Variants in MACROD2 observed in about 807,000 individuals in gnomAD.
The protein encoded by MACROD2 is ADP-ribose glycohydrolase MACROD2.
MACROD2 carries 36 observed loss-of-function variants against 70.4 expected under a neutral mutation model. The observed-to-expected ratio is 0.51, with a 90% CI of 0.39 to 0.68. The LOEUF is 0.68. MACROD2 is among the 30% of genes least tolerant of loss of function. The pLI is 0.00. For synonymous variants in MACROD2, 172 were observed against 178.8 expected, an observed-to-expected ratio of 0.96 and a Z score of 0.30; for missense variants, 496 against 538.4, an observed-to-expected ratio of 0.92 and a Z score of 0.78.
At chr20:14,089,221 A>G (rs1397284602) in intron 3 of MACROD2, among the ~76,000 whole-genome samples, 4 of 152,226 alleles carry the variant, frequency 2.6e-5, no homozygotes, top group Non-Finnish European at 5.9e-5. Flanking sequence ...TCCCAGGTAG[A>G]TAGAAAAGGG....
chr20:14,404,048 A>G (rs1345461198), intron 3 of MACROD2, among the ~76,000 whole-genome samples: 2 of 152,160 alleles, frequency 1.3e-5, no homozygotes, highest in African/African-American at 4.8e-5. Context: ...AATTGAAAGT[A>G]TAATAATTGA....
intron 15 of MACROD2, among the ~76,000 whole-genome samples, chr20:16,032,629 G>C (rs2067167014): frequency 6.7e-6 from 1 of 149,980 alleles, no homozygotes; most frequent in Non-Finnish European, 1.5e-5. Context: ...ACAAAAAGAA[G>C]GAAGAAAAGA....
intron 10 of MACROD2, among the ~76,000 whole-genome samples, chr20:15,887,047 T>A (rs2064831025): frequency 6.6e-6 from 1 of 152,076 alleles, no homozygotes; most frequent in African/African-American, 2.4e-5. Flanking sequence ...TTGTGTTGCT[T>A]CTCATTTGAT....
intron 4 of MACROD2, among the ~76,000 whole-genome samples, chr20:14,512,619 G>T (rs1487615730): frequency 6.6e-6 from 1 of 152,142 alleles, no homozygotes; most frequent in East Asian, 1.9e-4. Context: ...GGATAAAGCA[G>T]TGTGCAGATT....
At chr20:15,501,834 T>A (rs577325359) in intron 8 of MACROD2, among the ~76,000 whole-genome samples, 22 of 152,218 alleles carry the variant, frequency 1.4e-4, no homozygotes, top group Non-Finnish European at 2.2e-4. Context: ...TTAGCAGTAT[T>A]TTGATTTATT....
intron 4 of MACROD2, among the ~76,000 whole-genome samples, chr20:14,637,858 A>ACT (rs1984865992): frequency 6.6e-6 from 1 of 152,080 alleles, no homozygotes; most frequent in Non-Finnish European, 1.5e-5. Flanking sequence ...CCCTCTCAGT[A>ACT]TTCTCTGGCA....
intron 4 of MACROD2, among the ~76,000 whole-genome samples, chr20:14,571,766 A>G (rs1980209011): frequency 6.6e-6 from 1 of 152,110 alleles, no homozygotes; most frequent in African/African-American, 2.4e-5. Context: ...TTTAGCTTAC[A>G]ATATAGATCC....
intron 8 of MACROD2, among the ~76,000 whole-genome samples, chr20:15,759,212 G>A (rs2051398936): frequency 6.8e-6 from 1 of 147,218 alleles, no homozygotes; most frequent in South Asian, 2.2e-4. Context: ...AGACAAAGAT[G>A]TTCAAAGATG....
chr20:15,095,808 T>C (rs758429349), intron 5 of MACROD2, among the ~76,000 whole-genome samples: 6 of 152,056 alleles, frequency 3.9e-5, no homozygotes, highest in Non-Finnish European at 5.9e-5. Context: ...TGAGCCACCG[T>C]GCCCAGCCAG....
chr20:15,405,694 G>A (rs1240261698), intron 6 of MACROD2, among the ~76,000 whole-genome samples: 1 of 152,088 alleles, frequency 6.6e-6, no homozygotes, highest in Non-Finnish European at 1.5e-5. Context: ...GCAGATTTTA[G>A]CTCACGTGCC....
At chr20:14,820,716 C>CT in intron 5 of MACROD2, among the ~76,000 whole-genome samples, 1 of 152,004 alleles carries the variant, frequency 6.6e-6, no homozygotes, top group South Asian at 2.1e-4. Context: ...CCGTTACATT[C>CT]TTTTTTTCCC....
chr20:14,668,055 G>A (rs1387868376), intron 4 of MACROD2, among the ~76,000 whole-genome samples: 1 of 152,028 alleles, frequency 6.6e-6, no homozygotes, highest in Non-Finnish European at 1.5e-5. Flanking sequence ...CTCGGGGACT[G>A]AGGCAGGAGG....
intron 8 of MACROD2, among the ~76,000 whole-genome samples, chr20:15,756,685 T>C (rs1206354376): frequency 1.3e-5 from 2 of 152,228 alleles, no homozygotes; most frequent in Non-Finnish European, 2.9e-5. Context: ...CACACAAAAA[T>C]GCTTTTATCA....
intron 3 of MACROD2, among the ~76,000 whole-genome samples, chr20:14,320,133 T>G (rs944218395): frequency 2.6e-5 from 4 of 152,214 alleles, no homozygotes; most frequent in Non-Finnish European, 5.9e-5. Context: ...AAAGCCAACA[T>G]TTACAAAATA....
chr20:14,874,330 G>A (rs557293440), intron 5 of MACROD2, among the ~76,000 whole-genome samples: 107 of 132,542 alleles, frequency 8.1e-4, no homozygotes, highest in African/African-American at 2.7e-3. Flanking sequence ...TTATTGAGGT[G>A]CTGTCCTTTT....
chr20:14,350,511 G>C (rs546940358), intron 3 of MACROD2, among the ~76,000 whole-genome samples: 1 of 152,166 alleles, frequency 6.6e-6, no homozygotes, highest in East Asian at 1.9e-4. Flanking sequence ...ATGATTAGTG[G>C]TGTCAATCAC....
intron 3 of MACROD2, among the ~76,000 whole-genome samples, chr20:14,089,585 G>A (rs1212582668): frequency 6.6e-6 from 1 of 151,918 alleles, no homozygotes; most frequent in Non-Finnish European, 1.5e-5. Flanking sequence ...TGTGACCCAG[G>A]GTGGACTTCT....
intron 7 of MACROD2, among the ~76,000 whole-genome samples, chr20:15,433,803 A>G (rs2046394257): frequency 6.6e-6 from 1 of 152,050 alleles, no homozygotes; most frequent in Non-Finnish European, 1.5e-5. Context: ...ATTATACTAC[A>G]GGTCTATAAC....
chr20:14,071,252 G>GTTTTTGTTTTTTTTTTTT (rs2053833822), intron 2 of MACROD2, among the ~76,000 whole-genome samples: 1 of 63,936 alleles, frequency 1.6e-5, no homozygotes. Context: ...TTCATCTTGT[G>GTTTTTGTTTTTTTTTTTT]TTTTTTTTTT....
Sources: allele counts gnomAD v4.1 joint callset (sites outside exome capture counted in the v4.1 genomes callset), GRCh38; gene constraint gnomAD v4.1.1; transcripts MANE v1.5; gene names NCBI Gene and HGNC (gene_info 2026-07-23, HGNC 2026-07-21).